Variants in ATP6V0A1 observed in about 807,000 individuals in gnomAD.
ATP6V0A1 encodes ATPase H+ transporting V0 subunit a1.
Under a neutral mutation model 105.4 loss-of-function variants are expected in ATP6V0A1, and 43 were observed. The observed-to-expected ratio is 0.41, with a 90% CI of 0.32 to 0.53. The LOEUF is 0.53. Ranked by LOEUF, ATP6V0A1 falls within the 20% of genes least tolerant of loss-of-function variation. The pLI is 0.30. For synonymous variants in ATP6V0A1, 362 were observed against 372.8 expected (o/e 0.97, Z 0.33); for missense variants, 676 against 1,051.1 (o/e 0.64, Z 4.93).
intron 11 of ATP6V0A1, among the ~76,000 whole-genome samples, chr17:42,493,340 G>A (rs1285889822): frequency 5.9e-5 from 9 of 152,174 alleles, no homozygotes; most frequent in Non-Finnish European, 1.0e-4. Flanking sequence ...CCATCTGTAC[G>A]TTATCTGATA....
intron 3 of ATP6V0A1, among the ~76,000 whole-genome samples, chr17:42,467,788 G>A (rs1430044118): frequency 6.6e-6 from 1 of 152,034 alleles, no homozygotes; most frequent in Non-Finnish European, 1.5e-5. Flanking sequence ...ACCACCCTTT[G>A]GAGTAACTTT....
At chr17:42,520,305 G>A (rs1166687131) in intron 21 of ATP6V0A1, 1 of 381,276 alleles carries the variant, frequency 2.6e-6, no homozygotes, top group Admixed American at 3.2e-5. Flanking sequence ...AGGAAGCACA[G>A]CCAAGCAGCC....
chr17:42,502,636 G>C (rs1188200563), intron 17 of ATP6V0A1, among the ~76,000 whole-genome samples: 1 of 152,180 alleles, frequency 6.6e-6, no homozygotes, highest in Non-Finnish European at 1.5e-5. Flanking sequence ...ACGGCTGTTA[G>C]ATGATGACTC....
chr17:42,520,441 A>G (rs1321933970), intron 21 of ATP6V0A1: 2 of 456,604 alleles, frequency 4.4e-6, no homozygotes, highest in Admixed American at 2.3e-5. Context: ...TTAGTCCCCA[A>G]GAGAAGAATT....
At chr17:42,499,557 C>T (rs191087389) in intron 15 of ATP6V0A1, among the ~76,000 whole-genome samples, 1 of 152,038 alleles carries the variant, frequency 6.6e-6, no homozygotes, top group East Asian at 1.9e-4. Flanking sequence ...GAAGATGAGG[C>T]GGGCAGATCA....
intron 12 of ATP6V0A1, 21 bp from the exon 13 acceptor site, chr17:42,495,013 C>T: frequency 6.2e-7 from 1 of 1,609,892 alleles, no homozygotes. Flanking sequence ...ATTCTCATTA[C>T]TTCTTTCTTC....
At chr17:42,489,411 T>G (rs574163519) in intron 10 of ATP6V0A1, among the ~76,000 whole-genome samples, 19 of 152,076 alleles carry the variant, frequency 1.2e-4, no homozygotes, top group Non-Finnish European at 2.5e-4. Context: ...AATCTGCTGA[T>G]AGTATCTAGG....
intron 17 of ATP6V0A1, among the ~76,000 whole-genome samples, chr17:42,503,076 A>G (rs2091801198): frequency 6.6e-6 from 1 of 152,198 alleles, no homozygotes; most frequent in African/African-American, 2.4e-5. Flanking sequence ...CTAAGTTTCT[A>G]TTCAAAAATG....
chr17:42,518,479 G>A (rs936207274), intron 21 of ATP6V0A1: 1 of 152,250 alleles, frequency 6.6e-6, no homozygotes, highest in Non-Finnish European at 1.5e-5. Context: ...CACAGAGAGT[G>A]GCAGAACAGG....
chr17:42,459,526 G>A (rs1220067393), intron 1 of ATP6V0A1, among the ~76,000 whole-genome samples: 2 of 152,222 alleles, frequency 1.3e-5, no homozygotes, highest in Admixed American at 1.3e-4. Flanking sequence ...CATTGCTATA[G>A]AGATATTCTT....
intron 10 of ATP6V0A1, 76 bp from the exon 11 acceptor site, chr17:42,490,411 G>T: frequency 7.5e-7 from 1 of 1,332,936 alleles, no homozygotes; most frequent in Non-Finnish European, 9.9e-7. Context: ...TGAGTTTCAA[G>T]AAATGTACAC....
intron 14 of ATP6V0A1, chr17:42,496,061 CAAAA>C (rs11352520): frequency 4.6e-4 from 45 of 97,220 alleles, no homozygotes; most frequent in African/African-American, 1.7e-3. Context: ...GACTCCGTCT[CAAAA>C]AAAAAAAAAA....
chr17:42,510,111 A>T (rs185421250), intron 19 of ATP6V0A1: 2 of 152,318 alleles, frequency 1.3e-5, no homozygotes, highest in East Asian at 1.9e-4. Flanking sequence ...GCGGGAACTC[A>T]GTCCAGCTAC....
At chr17:42,477,768 A>G in intron 6 of ATP6V0A1, 26 bp downstream of exon 6, 2 of 1,564,540 alleles carry the variant, frequency 1.3e-6, no homozygotes, top group Non-Finnish European at 8.8e-7. Flanking sequence ...ACTTTTCGGT[A>G]TTCAGTGGGG....
intron 11 of ATP6V0A1, among the ~76,000 whole-genome samples, 163 bp from the exon 12 acceptor site, chr17:42,494,171 A>T (rs1191130935): frequency 2.0e-5 from 3 of 150,402 alleles, no homozygotes; most frequent in African/African-American, 7.3e-5. Context: ...TGAACCTGGG[A>T]GATGGAGGTT....
chr17:42,479,110 A>T (rs116228104), intron 7 of ATP6V0A1: 65 of 152,308 alleles, frequency 4.3e-4, no homozygotes, highest in African/African-American at 1.5e-3. Flanking sequence ...GTGTTTTACC[A>T]TGTTGCCTAG....
rs1230207470 is a variant in ATP6V0A1 at position 42,499,120 on chromosome 17, G to A, written c.1679+78G>A. The A allele has an allele frequency of 1.2e-5, 13 of 1,082,848 alleles. No individual in the cohort carries two copies. The Admixed American group carries it at 1.6e-4, about 13-fold the overall frequency. 67.1% of individuals were successfully genotyped at this position (1,082,848 alleles called of 1,614,324 possible). A position where few individuals can be genotyped will look rare whatever the true frequency, so the allele number is the denominator to read the frequency against. ...TGTGTAAAGAAATCATGACATCTTT[G>A]GGGAGGGATTAATAACTCAGAACCT... is the stretch of plus-strand genomic sequence containing the variant. On this transcript the variant is annotated intron_variant, in intron 15 of 21. Coordinates refer to ENST00000343619, the MANE Select transcript of ATP6V0A1 (RefSeq NM_001130021.3).
intron 21 of ATP6V0A1, among the ~76,000 whole-genome samples, chr17:42,516,331 C>T (rs113421762): frequency 4.9e-4 from 75 of 152,216 alleles, no homozygotes; most frequent in African/African-American, 1.7e-3. Flanking sequence ...AAGGGCAAGA[C>T]GTGGCTAGGG....
chr17:42,506,546 T>C (rs1177567543), intron 17 of ATP6V0A1, among the ~76,000 whole-genome samples: 1 of 152,270 alleles, frequency 6.6e-6, no homozygotes, highest in Non-Finnish European at 1.5e-5. Flanking sequence ...AAGGCCAGGT[T>C]GCAGGAGAGC....
Sources: allele counts gnomAD v4.1 joint callset (sites outside exome capture counted in the v4.1 genomes callset), GRCh38; gene constraint gnomAD v4.1.1; transcripts MANE v1.5; gene names NCBI Gene and HGNC (gene_info 2026-07-23, HGNC 2026-07-21).